PHLPP1: variants seen among roughly 807,000 people sequenced by gnomAD.
The protein encoded by PHLPP1 is PH domain and leucine rich repeat protein phosphatase 1, also known as PH domain leucine-rich repeat-containing protein phosphatase 1.
Under a neutral mutation model 117.2 loss-of-function variants are expected in PHLPP1, and 42 were observed. The observed-to-expected ratio is 0.36, with a 90% CI of 0.28 to 0.46. The LOEUF (loss-of-function observed/expected upper bound fraction) is 0.46. Among genes scored for constraint, PHLPP1 ranks in the 20% least tolerant of loss-of-function variants. The probability of loss-of-function intolerance (pLI) is 1.00; values close to 1 mark genes in which losing one functional copy is unlikely to be tolerated. For missense variants in PHLPP1, 2,084 were observed against 2,241.9 expected, an observed-to-expected ratio of 0.93 and a Z score of 1.42; for synonymous variants, 1,042 against 970.7, an observed-to-expected ratio of 1.07 and a Z score of -1.37.
chr18:62,821,269 A>C (rs1297804275), intron 1 of PHLPP1, among the ~76,000 whole-genome samples: 2 of 152,230 alleles, frequency 1.3e-5, no homozygotes, highest in Non-Finnish European at 1.5e-5. Context: ...GTCTTTAAAA[A>C]AGAAAAAATA....
chr18:62,804,886 C>CTATATATTA (rs1471165905), intron 1 of PHLPP1, among the ~76,000 whole-genome samples: 4 of 149,728 alleles, frequency 2.7e-5, no homozygotes, highest in Non-Finnish European at 1.5e-5. Flanking sequence ...ATAATATACA[C>CTATATATTA]TGCATATATT....
At chr18:62,784,974 A>G (rs768463316) in intron 1 of PHLPP1, among the ~76,000 whole-genome samples, 52 of 152,254 alleles carry the variant, frequency 3.4e-4, no homozygotes, top group Non-Finnish European at 7.3e-4. Context: ...CTCCTTATTT[A>G]TAACGAAGGC....
Position 62,979,402 on chromosome 18 carries a change from C to T in PHLPP1, c.5125C>T (p.Leu1709=). The change falls in exon 17 of 17, where the codon CTG becomes TTG. Residue 1709 remains leucine, a synonymous_variant. Coordinates refer to ENST00000262719, the MANE Select transcript of PHLPP1 (RefSeq NM_194449.4). ...QLPRHYQLDQ[L]PDYYDTPL is the part of the protein sequence containing the mutation. ...GCCGCGGCACTACCAGCTGGACCAG[C>T]TGCCAGATTATTACGACACGCCACT... The T allele has an allele frequency of 6.4e-7, 1 of 1,551,542 alleles. No homozygotes were observed. The highest frequency in any genetic ancestry group is 8.7e-7 in the Non-Finnish European group (1 of 1,146,912).
At chr18:62,808,101 G>A (rs1217849948) in intron 1 of PHLPP1, among the ~76,000 whole-genome samples, 2 of 152,216 alleles carry the variant, frequency 1.3e-5, no homozygotes, top group African/African-American at 4.8e-5. Flanking sequence ...GGGCAGAGGT[G>A]GAGCTTGGAT....
chr18:62,828,968 C>G (rs1914683368), intron 1 of PHLPP1, among the ~76,000 whole-genome samples: 1 of 152,196 alleles, frequency 6.6e-6, no homozygotes, highest in Non-Finnish European at 1.5e-5. Context: ...ATGACTGTCA[C>G]TATGTTCATG....
At position 62,716,211 on chromosome 18, in the gene PHLPP1, G is replaced by A. The variant is rs1461958492; in HGVS notation, c.528G>A (p.Thr176=). Residue 176 remains threonine, a synonymous_variant, in exon 1 of 17, where the codon ACG becomes ACA. Transcript: ENST00000262719. This position sits in a 1 kb window ranked among gnomAD's most constrained non-coding sequence, Gnocchi z 5.7. ...GCACCCGGAGCCTGGACAGGAAGAC[G>A]CTGCTTCTGAAGCACCGGCAGACGC... ...SLCTRSLDRK[T]LLLKHRQTLQ... is the part of the protein sequence containing the mutation. 2.6e-6 allele frequency: 4 copies of A among 1,527,970 alleles called. No individual in the cohort carries two copies. The highest frequency in any genetic ancestry group is 3.5e-6 in the Non-Finnish European group (4 of 1,143,292). The allele number at this position is 1,527,970 out of a possible 1,614,324, so 94.7% of individuals were successfully genotyped here. A position where few individuals can be genotyped will look rare whatever the true frequency, so the allele number is the denominator to read the frequency against.
intron 1 of PHLPP1, among the ~76,000 whole-genome samples, chr18:62,724,383 G>C (rs1911008269): frequency 6.6e-6 from 1 of 152,158 alleles, no homozygotes; most frequent in Non-Finnish European, 1.5e-5. Context: ...GTCAGTAGGA[G>C]AAAAAACATT....
chr18:62,834,209 T>C (rs994154904), intron 2 of PHLPP1, among the ~76,000 whole-genome samples: 1 of 152,130 alleles, frequency 6.6e-6, no homozygotes, highest in East Asian at 1.9e-4. Flanking sequence ...GAAGAGGTAA[T>C]TGGAGCATCA....
intron 1 of PHLPP1, among the ~76,000 whole-genome samples, chr18:62,747,115 A>G (rs1911697966): frequency 6.6e-6 from 1 of 152,064 alleles, no homozygotes; most frequent in Non-Finnish European, 1.5e-5. Context: ...TTTTGAAAGA[A>G]TCAGCATTAG....
chr18:62,873,353 G>A lies in PHLPP1; in HGVS notation c.2066+12752G>A, dbSNP rs1367428413. 2.0e-5 allele frequency among the ~76,000 whole-genome samples: 3 copies of A among 152,174 alleles called. No homozygotes were observed. In the East Asian group the frequency reaches 5.8e-4, roughly 29 times the overall value. On this transcript the variant is annotated intron_variant, in intron 4 of 16. Transcript: ENST00000262719. ...TTATACCAACCAGTTTAAGAAAGAA[G>A]CCTGTGTTCTAGTAAGTACTTGCCA...
chr18:62,890,127 GGTT>G (rs1916371563), intron 4 of PHLPP1, among the ~76,000 whole-genome samples: 2 of 151,950 alleles, frequency 1.3e-5, no homozygotes, highest in Non-Finnish European at 2.9e-5. Context: ...TGCAGAGAAT[GGTT>G]GTATCTCTTT....
intron 1 of PHLPP1, among the ~76,000 whole-genome samples, chr18:62,766,076 A>AAAAATAT: frequency 9.2e-4 from 20 of 21,648 alleles, no homozygotes; most frequent in South Asian, 2.3e-3. Flanking sequence ...AAAAAAAAAA[A>AAAAATAT]ATATATATAT....
Position 62,895,087 on chromosome 18 carries a change from A to G in PHLPP1, c.2143A>G (p.Thr715Ala). ...DFPLAVCSIP[T>A]LAELNVSCNA... is the part of the protein sequence containing the mutation. ...CCCACTGGCAGTCTGCAGTATTCCAACCCTGGCAGAGCTGAACGTGTCCTG... is the reference window on the plus strand; with the variant it reads ...CCCACTGGCAGTCTGCAGTATTCCAGCCCTGGCAGAGCTGAACGTGTCCTG... Residue 715 changes from threonine (T) to alanine (A), a missense_variant, in exon 5 of 17, where the codon ACC (threonine) becomes GCC (alanine). This residue lies in a region of PHLPP1 where 1,365 missense variants were observed against 1,605.9 expected (regional missense o/e 0.85). Transcript: ENST00000262719. The G allele has an allele frequency of 2.5e-6, 4 of 1,613,902 alleles. No individual in the cohort carries two copies. The highest frequency in any genetic ancestry group is 1.3e-5 in the African/African-American group (1 of 75,030).
chr18:62,821,786 C>G (rs1434720009), intron 1 of PHLPP1, among the ~76,000 whole-genome samples: 3 of 149,542 alleles, frequency 2.0e-5, no homozygotes, highest in African/African-American at 7.4e-5. Flanking sequence ...GAGTCTTGCT[C>G]TGTCTCCTGG....
chr18:62,849,601 G>T (rs1915268330), intron 3 of PHLPP1, among the ~76,000 whole-genome samples: 1 of 138,736 alleles, frequency 7.2e-6, no homozygotes, highest in Non-Finnish European at 1.5e-5. Flanking sequence ...GCGAAGCCAA[G>T]ATCGCACCAT....
chr18:62,794,577 G>A (rs1417912311), intron 1 of PHLPP1, among the ~76,000 whole-genome samples: 1 of 151,978 alleles, frequency 6.6e-6, no homozygotes, highest in Non-Finnish European at 1.5e-5. Flanking sequence ...ATCTTGCTGT[G>A]TTGTCAAGGT....
At chr18:62,922,543 A>C (rs771563029) in intron 10 of PHLPP1, among the ~76,000 whole-genome samples, 1 of 152,184 alleles carries the variant, frequency 6.6e-6, no homozygotes, top group Non-Finnish European at 1.5e-5. Flanking sequence ...TTCTTCTCCT[A>C]TGGAGAATTA....
intron 7 of PHLPP1, among the ~76,000 whole-genome samples, chr18:62,904,251 CAG>C (rs1462636903): frequency 1.3e-5 from 2 of 152,114 alleles, no homozygotes; most frequent in Non-Finnish European, 2.9e-5. Flanking sequence ...TGGGAGAAAA[CAG>C]GGAATTCTGA....
At position 62,716,197 on chromosome 18, in the gene PHLPP1, C is replaced by G. The variant is rs1227361254; in HGVS notation, c.514C>G (p.Leu172Val). The change falls in exon 1 of 17, where the codon CTG becomes GTG. Residue 172 changes from leucine (L) to valine (V), a missense_variant. This residue lies in a region of PHLPP1 where 719 missense variants were observed against 636.0 expected (regional missense o/e 1.13). Transcript: ENST00000262719. This position sits in a 1 kb window ranked among gnomAD's most constrained non-coding sequence, Gnocchi z 5.7. ...SASASLCTRS[L>V]DRKTLLLKHR... is the part of the protein sequence containing the mutation. The stretch of plus-strand genomic sequence containing the variant: ...CTCGGCGTCGCTGTGCACCCGGAGC[C>G]TGGACAGGAAGACGCTGCTTCTGAA... 2 of 1,521,774 alleles carry G rather than the reference C, an allele frequency of 1.3e-6. No individual in the cohort carries two copies. The highest frequency in any genetic ancestry group is 4.0e-5 in the Admixed American group (2 of 49,878). 94.3% of individuals were successfully genotyped at this position (1,521,774 alleles called of 1,614,324 possible).
Sources: gnomAD v4.1 joint callset for allele counts (sites outside exome capture counted in the v4.1 genomes callset) on GRCh38, gnomAD v4.1.1 for gene constraint, gnomAD v4.1.1 regional missense constraint, Gnocchi (gnomAD v3.1) non-coding constraint, MANE v1.5 for transcripts, NCBI Gene and HGNC (gene_info 2026-07-23, HGNC 2026-07-21) for gene names.